SLC16A12: variants seen among roughly 807,000 people sequenced by gnomAD.
SLC16A12 encodes the protein solute carrier family 16 member 12.
SLC16A12 carries 17 observed loss-of-function variants against 42.4 expected under a neutral mutation model. The observed-to-expected ratio is 0.40, with a 90% CI of 0.27 to 0.60. The LOEUF is 0.60. Ranked by LOEUF, SLC16A12 falls within the 20% of genes least tolerant of loss-of-function variation. The pLI is 0.42. For missense variants in SLC16A12, 544 were observed against 623.0 expected, an observed-to-expected ratio of 0.87 and a Z score of 1.35; for synonymous variants, 224 against 229.4, an observed-to-expected ratio of 0.98 and a Z score of 0.21.
chr10:89,548,827 G>A (rs968436454), intron 2 of SLC16A12, among the ~76,000 whole-genome samples: 2 of 152,060 alleles, frequency 1.3e-5, no homozygotes, highest in Non-Finnish European at 1.5e-5. Flanking sequence ...AAAAAAAGAC[G>A]CACTAACTGA....
chr10:89,464,093 T>C (rs1335029445), intron 2 of SLC16A12, among the ~76,000 whole-genome samples: 2 of 152,240 alleles, frequency 1.3e-5, no homozygotes, highest in African/African-American at 2.4e-5. Context: ...GCTGCACACC[T>C]GGAGAAAGCC....
chr10:89,488,341 T>TG (rs1564586723), intron 2 of SLC16A12, among the ~76,000 whole-genome samples: 1 of 152,166 alleles, frequency 6.6e-6, no homozygotes, highest in Non-Finnish European at 1.5e-5. Context: ...CACTGATTTG[T>TG]GGTCAGTGCT....
chr10:89,482,666 C>G (rs1296760688), intron 2 of SLC16A12, among the ~76,000 whole-genome samples: 1 of 151,880 alleles, frequency 6.6e-6, no homozygotes, highest in Non-Finnish European at 1.5e-5. Context: ...GGCCTGTAGT[C>G]CCAGCTACTA....
intron 2 of SLC16A12, among the ~76,000 whole-genome samples, chr10:89,552,199 C>A (rs1173176294): frequency 6.6e-6 from 1 of 152,120 alleles, no homozygotes; most frequent in Non-Finnish European, 1.5e-5. Flanking sequence ...CTCCCAAAGT[C>A]CTGGGATTAC....
chr10:89,514,763 A>G (rs758961297), intron 2 of SLC16A12, among the ~76,000 whole-genome samples: 5 of 152,196 alleles, frequency 3.3e-5, no homozygotes, highest in Non-Finnish European at 7.3e-5. Flanking sequence ...TCAATCCACA[A>G]TAGTGCCCAC....
intron 2 of SLC16A12, among the ~76,000 whole-genome samples, chr10:89,547,778 C>T (rs1843749572): frequency 6.6e-6 from 1 of 151,958 alleles, no homozygotes; most frequent in Non-Finnish European, 1.5e-5. Context: ...GGGCAGATCA[C>T]CTGAGGTCAG....
intron 2 of SLC16A12, among the ~76,000 whole-genome samples, chr10:89,526,256 G>A (rs146299760): frequency 6.6e-6 from 1 of 152,264 alleles, no homozygotes; most frequent in Non-Finnish European, 1.5e-5. Context: ...TGCACATTTG[G>A]TTAACGTGAA....
intron 2 of SLC16A12, among the ~76,000 whole-genome samples, chr10:89,517,447 A>G (rs759240601): frequency 6.6e-6 from 1 of 151,612 alleles, no homozygotes; most frequent in African/African-American, 2.4e-5. Context: ...AGTAGGTAGG[A>G]CTATAATCAC....
intron 2 of SLC16A12, among the ~76,000 whole-genome samples, chr10:89,486,934 G>T (rs1438021672): frequency 6.6e-6 from 1 of 152,186 alleles, no homozygotes; most frequent in African/African-American, 2.4e-5. Context: ...TTCAGAGAGA[G>T]ATATGTGTGG....
At chr10:89,547,794 C>G (rs1843749619) in intron 2 of SLC16A12, among the ~76,000 whole-genome samples, 1 of 151,770 alleles carries the variant, frequency 6.6e-6, no homozygotes, top group South Asian at 2.1e-4. Flanking sequence ...GTCAGAAGTT[C>G]AAGACCAGCC....
intron 2 of SLC16A12, among the ~76,000 whole-genome samples, chr10:89,516,948 C>T (rs1835666152): frequency 6.6e-6 from 1 of 152,218 alleles, no homozygotes; most frequent in Non-Finnish European, 1.5e-5. Flanking sequence ...TAGTACCAGG[C>T]ATGATGGCTC....
intron 2 of SLC16A12, among the ~76,000 whole-genome samples, chr10:89,470,270 G>C (rs772606373): frequency 1.7e-4 from 26 of 152,316 alleles, no homozygotes; most frequent in Non-Finnish European, 2.5e-4. Flanking sequence ...GAAGGGTGAT[G>C]AGCTGCCCAT....
At chr10:89,479,489 T>C (rs1842631305) in intron 2 of SLC16A12, among the ~76,000 whole-genome samples, 1 of 152,258 alleles carries the variant, frequency 6.6e-6, no homozygotes. Flanking sequence ...ACTTGGCTAG[T>C]TGTCCTAAGC....
intron 2 of SLC16A12, among the ~76,000 whole-genome samples, chr10:89,473,127 CTTT>C (rs35439283): frequency 7.0e-6 from 1 of 142,020 alleles, no homozygotes. Context: ...CCTCAGCAGT[CTTT>C]TTTTTTTTTT....
intron 2 of SLC16A12, among the ~76,000 whole-genome samples, chr10:89,546,450 C>T (rs1386235846): frequency 6.6e-6 from 1 of 152,174 alleles, no homozygotes; most frequent in East Asian, 1.9e-4. Flanking sequence ...CATCACTGAT[C>T]ATCAGAGAAA....
chr10:89,487,809 CAAAAAAAAA>C (rs71022569), intron 2 of SLC16A12, among the ~76,000 whole-genome samples: 2 of 84,778 alleles, frequency 2.4e-5, no homozygotes, highest in African/African-American at 5.0e-5. Flanking sequence ...GATTCTGTCT[CAAAAAAAAA>C]AAAAAAAAAA....
chr10:89,550,869 T>C (rs547873946), intron 2 of SLC16A12, among the ~76,000 whole-genome samples: 7 of 152,222 alleles, frequency 4.6e-5, no homozygotes, highest in Non-Finnish European at 1.0e-4. Context: ...GTTGTTGTTG[T>C]TGCTGTTTGC....
intron 2 of SLC16A12, among the ~76,000 whole-genome samples, chr10:89,502,085 G>C (rs769776552): frequency 6.6e-6 from 1 of 152,146 alleles, no homozygotes; most frequent in Non-Finnish European, 1.5e-5. Context: ...ATTGAAAACT[G>C]TCACTGTCTC....
chr10:89,544,497 G>C (rs1439773731), intron 2 of SLC16A12, among the ~76,000 whole-genome samples: 1 of 152,116 alleles, frequency 6.6e-6, no homozygotes, highest in Non-Finnish European at 1.5e-5. Flanking sequence ...CTTTTCAAAT[G>C]ACTGTTCAAA....
Sources: gnomAD v4.1 joint callset for allele counts (sites outside exome capture counted in the v4.1 genomes callset) on GRCh38, gnomAD v4.1.1 for gene constraint, MANE v1.5 for transcripts, NCBI Gene and HGNC (gene_info 2026-07-23, HGNC 2026-07-21) for gene names.